KLF9: variants seen among roughly 807,000 people sequenced by gnomAD.
The protein encoded by KLF9 is KLF transcription factor 9.
KLF9 carries 2 observed loss-of-function variants against 17.3 expected under a neutral mutation model. The ratio of observed to expected loss-of-function variants is 0.12; its 90% CI spans 0.05 to 0.36. The LOEUF is 0.36. KLF9 is among the 10% of genes least tolerant of loss of function. KLF9 has a pLI of 1.00. For missense variants in KLF9, 226 were observed against 333.2 expected (o/e 0.68, Z 2.51); for synonymous variants, 138 against 139.2 (o/e 0.99, Z 0.06).
chr9:70,406,100 T>A (rs1217958498), intron 1 of KLF9, among the ~76,000 whole-genome samples: 1 of 152,122 alleles, frequency 6.6e-6, no homozygotes, highest in Non-Finnish European at 1.5e-5. Flanking sequence ...AACCATAGAC[T>A]GAAGTCCCAG....
intron 1 of KLF9, among the ~76,000 whole-genome samples, chr9:70,395,086 T>C (rs2037175542): frequency 6.6e-6 from 1 of 152,192 alleles, no homozygotes; most frequent in South Asian, 2.1e-4. Context: ...AAATGGATTA[T>C]TAAAGCTGTA....
At chr9:70,407,954 T>A (rs1277380915) in intron 1 of KLF9, among the ~76,000 whole-genome samples, 1 of 152,134 alleles carries the variant, frequency 6.6e-6, no homozygotes, top group Non-Finnish European at 1.5e-5. Flanking sequence ...TGAGGCAGTA[T>A]CATCTCCCAG....
At chr9:70,393,961 C>T (rs1203369977) in intron 1 of KLF9, among the ~76,000 whole-genome samples, 1 of 144,424 alleles carries the variant, frequency 6.9e-6, no homozygotes, top group Non-Finnish European at 1.5e-5. Flanking sequence ...GTTGAGGCTG[C>T]AGTGAGCTAT....
chr9:70,407,630 A>T (rs2037265469), intron 1 of KLF9, among the ~76,000 whole-genome samples: 1 of 152,232 alleles, frequency 6.6e-6, no homozygotes, highest in Admixed American at 6.5e-5. Context: ...GGAAATGAGG[A>T]AAGAAAGGCA....
chr9:70,412,842 A>G lies in KLF9; in HGVS notation c.505+17T>C. 1.3e-6 allele frequency: 2 copies of G among 1,536,086 alleles called. No individual in the cohort carries two copies. Among genetic ancestry groups the G allele is most frequent in the Non-Finnish European group, 1.8e-6 (2 of 1,139,792 alleles). The stretch of plus-strand genomic sequence containing the variant: ...AACTAACCCCAGAGCTCCGGGGGAG[A>G]GGGCGACGCCGCTAACCTGTATGCA... On this transcript the variant is annotated intron_variant, in intron 1 of 1. Coordinates refer to ENST00000377126, the MANE Select transcript of KLF9 (RefSeq NM_001206.4).
rs1198363225 is a variant in KLF9 at position 70,413,273 on chromosome 9, G to A, written c.91C>T (p.Pro31Ser). 2 of 1,613,058 alleles carry A rather than the reference G, an allele frequency of 1.2e-6. No homozygotes were observed. Among genetic ancestry groups the A allele is most frequent in the Non-Finnish European group, 1.7e-6 (2 of 1,179,918 alleles). Residue 31 changes from proline to serine, a missense_variant, in exon 1 of 2, where the codon CCG (proline) becomes TCG (serine). By Grantham distance (74) the Pro-to-Ser change is moderately conservative. Transcript: ENST00000377126. The surrounding 1 kb of genome is among the most constrained non-coding windows in gnomAD (Gnocchi z 5.6). ...GGTAGTCGCAGCCGCTCGGCGTCCGGAGCGACCCCATGCTCCGGCACCGCA... is the reference window on the plus strand; with the variant it reads ...GGTAGTCGCAGCCGCTCGGCGTCCGAAGCGACCCCATGCTCCGGCACCGCA... ...RAAVPEHGVA[P>S]DAERLRLPER...
At chr9:70,405,407 T>C (rs1322143002) in intron 1 of KLF9, among the ~76,000 whole-genome samples, 2 of 152,258 alleles carry the variant, frequency 1.3e-5, no homozygotes, top group Non-Finnish European at 2.9e-5. Context: ...ATGTCCTCAC[T>C]TTTTAAAAAG....
At chr9:70,392,830 G>C (rs992851432) in intron 1 of KLF9, among the ~76,000 whole-genome samples, 12 of 152,166 alleles carry the variant, frequency 7.9e-5, no homozygotes, top group African/African-American at 2.2e-4. Context: ...CTATCAATTA[G>C]AGAATCTTTA....
intron 1 of KLF9, among the ~76,000 whole-genome samples, chr9:70,390,129 GCTCTCTGCTGTTTT>G (rs2037143238): frequency 6.6e-6 from 1 of 152,200 alleles, no homozygotes; most frequent in Non-Finnish European, 1.5e-5. Context: ...CATGATGAAG[GCTCTCTGCTGTTTT>G]CTAAGCAGAG....
At chr9:70,402,054 T>A (rs2037225917) in intron 1 of KLF9, among the ~76,000 whole-genome samples, 1 of 151,606 alleles carries the variant, frequency 6.6e-6, no homozygotes, top group African/African-American at 2.4e-5. Flanking sequence ...TAAAATCAAT[T>A]AGAAAAGAAA....
At chr9:70,405,423 A>G (rs1214931521) in intron 1 of KLF9, among the ~76,000 whole-genome samples, 8 of 152,194 alleles carry the variant, frequency 5.3e-5, no homozygotes, top group Admixed American at 5.2e-4. Context: ...AAAAGACTCA[A>G]TCTGGCCAGT....
At chr9:70,390,240 G>T (rs577600383) in intron 1 of KLF9, among the ~76,000 whole-genome samples, 2 of 152,286 alleles carry the variant, frequency 1.3e-5, no homozygotes, top group East Asian at 3.9e-4. Context: ...GATTCTCTAT[G>T]TGCAGATCTA....
intron 1 of KLF9, among the ~76,000 whole-genome samples, chr9:70,396,765 G>A (rs1003961923): frequency 2.6e-5 from 4 of 152,150 alleles, no homozygotes; most frequent in Admixed American, 2.6e-4. Context: ...TTTTTAAACA[G>A]TGAGTATAAA....
chr9:70,396,120 T>G (rs59362921), intron 1 of KLF9, among the ~76,000 whole-genome samples: 20,086 of 152,218 alleles, frequency 0.13, 1,387 homozygotes, highest in African/African-American at 0.18. Flanking sequence ...TACCGACCAC[T>G]GGTGGAGGCA....
chr9:70,399,495 G>T (rs1397054864), intron 1 of KLF9, among the ~76,000 whole-genome samples: 1 of 152,204 alleles, frequency 6.6e-6, no homozygotes, highest in Non-Finnish European at 1.5e-5. Context: ...TATTGAACAA[G>T]ATATAAATGC....
At chr9:70,394,298 T>TACACACACAG (rs1554707243) in intron 1 of KLF9, among the ~76,000 whole-genome samples, 5 of 150,302 alleles carry the variant, frequency 3.3e-5, no homozygotes, top group African/African-American at 1.2e-4. Flanking sequence ...TAACAGCTCA[T>TACACACACAG]ACACACACAC....
intron 1 of KLF9, among the ~76,000 whole-genome samples, chr9:70,404,321 T>G (rs2037242441): frequency 6.6e-6 from 1 of 152,174 alleles, no homozygotes; most frequent in Admixed American, 6.5e-5. Context: ...ATGAGATGGC[T>G]GGGTGCAGTG....
At chr9:70,408,099 C>T (rs953885833) in intron 1 of KLF9, among the ~76,000 whole-genome samples, 1 of 152,124 alleles carries the variant, frequency 6.6e-6, no homozygotes, top group Non-Finnish European at 1.5e-5. Flanking sequence ...GGAGGCCAGG[C>T]GCAGTGGCTC....
chr9:70,397,353 T>A (rs531085565), intron 1 of KLF9, among the ~76,000 whole-genome samples: 6 of 151,978 alleles, frequency 3.9e-5, no homozygotes, highest in Admixed American at 3.9e-4. Flanking sequence ...CACATGCCTG[T>A]AATCCCAGCT....
Sources: gnomAD v4.1 joint callset for allele counts (sites outside exome capture counted in the v4.1 genomes callset) on GRCh38, gnomAD v4.1.1 for gene constraint, Gnocchi (gnomAD v3.1) non-coding constraint, MANE v1.5 for transcripts, NCBI Gene and HGNC (gene_info 2026-07-23, HGNC 2026-07-21) for gene names.